Variants in MLIP observed in about 807,000 individuals in gnomAD.
The protein encoded by MLIP is muscular LMNA-interacting protein.
In MLIP, 79 loss-of-function variants were observed where a neutral mutation model predicts 84.8. The observed-to-expected ratio is 0.93, with a 90% CI of 0.78 to 1.12. The LOEUF (loss-of-function observed/expected upper bound fraction) is 1.12. Ranked by LOEUF, MLIP falls within the 50% of genes most tolerant of loss-of-function variation. The pLI is 0.00. For synonymous variants in MLIP, 504 were observed against 463.0 expected, an observed-to-expected ratio of 1.09 and a Z score of -1.14; for missense variants, 1,257 against 1,160.6, an observed-to-expected ratio of 1.08 and a Z score of -1.21.
chr6:54,158,872 A>T (rs920854677), intron 5 of MLIP, among the ~76,000 whole-genome samples: 15 of 5,416 alleles, frequency 2.8e-3, no homozygotes, highest in South Asian at 8.8e-3. Flanking sequence ...GAAGTATGAT[A>T]AAAAAAAAAA....
intron 5 of MLIP, among the ~76,000 whole-genome samples, chr6:54,153,577 A>C (rs1040254134): frequency 6.6e-6 from 1 of 152,060 alleles, no homozygotes; most frequent in Non-Finnish European, 1.5e-5. Flanking sequence ...GCAGGGCGTG[A>C]TGGCTCATGC....
chr6:54,052,821 G>A (rs370907598), intron 1 of MLIP, among the ~76,000 whole-genome samples: 35 of 152,244 alleles, frequency 2.3e-4, no homozygotes, highest in African/African-American at 7.9e-4. Flanking sequence ...GGAGTGCAGA[G>A]CTGAATCTCT....
intron 8 of MLIP, among the ~76,000 whole-genome samples, chr6:54,168,108 A>AT (rs1304477554): frequency 6.6e-6 from 1 of 151,852 alleles, no homozygotes; most frequent in Non-Finnish European, 1.5e-5. Context: ...TATTGGTCAG[A>AT]TTTTTTATTG....
At position 54,230,883 on chromosome 6, in the gene MLIP, C is replaced by T; in HGVS notation, c.2888C>T (p.Ser963Phe). The change falls in exon 12 of 14, where the codon TCT (serine) becomes TTT (phenylalanine). Residue 963 changes from serine (S) to phenylalanine (F), a missense_variant. Transcript: ENST00000502396. ...TCCTTGAGTGATGAACAGGAGAATTCTCACACCCTCCTCAGTCACAACGCA... is the reference window on the plus strand; with the variant it reads ...TCCTTGAGTGATGAACAGGAGAATTTTCACACCCTCCTCAGTCACAACGCA... Reference protein sequence around the residue: ...SFSLSDEQENSHTLLSHNACN... With the variant: ...SFSLSDEQENFHTLLSHNACN... The T allele has an allele frequency of 6.2e-7, 1 of 1,614,004 alleles. No individual in the cohort carries two copies. The highest frequency in any genetic ancestry group is 8.5e-7 in the Non-Finnish European group (1 of 1,179,956).
chr6:54,065,443 C>A (rs1259856493), intron 1 of MLIP, among the ~76,000 whole-genome samples: 1 of 100,056 alleles, frequency 1.0e-5, no homozygotes, highest in African/African-American at 2.6e-5. Flanking sequence ...GGATTTGCAC[C>A]AAGGATAAAT....
rs989100725 is a variant in MLIP, at chr6:54,137,958, A to G, written c.1889A>G (p.Gln630Arg). Residue 630 changes from glutamine to arginine, a missense_variant, in exon 4 of 14, where the codon CAA becomes CGA. Gln to Arg is a conservative substitution (Grantham distance 43). Coordinates refer to ENST00000502396, the MANE Select transcript of MLIP (RefSeq NM_001281747.2). ...LINRSKRASS[Q>R]LSGQELNPSA... ...AACAGATCTAAAAGAGCATCATCCC[A>G]ACTATCTGGCCAGGAGCTGAATCCT... 11 of 1,535,890 alleles carry G rather than the reference A, an allele frequency of 7.2e-6. No homozygotes were observed. The highest frequency in any genetic ancestry group is 1.7e-4 in the Middle Eastern group (1 of 6,012).
chr6:54,162,643 G>A (rs1249801988), intron 8 of MLIP, among the ~76,000 whole-genome samples: 1 of 151,924 alleles, frequency 6.6e-6, no homozygotes, highest in African/African-American at 2.4e-5. Context: ...GTTTGGGTGC[G>A]GGTAGTGAAG....
At chr6:54,141,839 AG>A (rs1265775763) in intron 4 of MLIP, among the ~76,000 whole-genome samples, 2 of 152,222 alleles carry the variant, frequency 1.3e-5, no homozygotes, top group Admixed American at 1.3e-4. Context: ...GACAGTCTGA[AG>A]ATTAGTTCCA....
Position 54,230,591 on chromosome 6 carries a change from A to T in MLIP, c.2719-123A>T, listed in dbSNP as rs1003758335. The T allele has an allele frequency of 2.6e-5, 21 of 815,544 alleles. No homozygotes were observed. The African/African-American group carries it at 3.4e-4, about 13-fold the overall frequency. 50.5% of individuals were successfully genotyped at this position (815,544 alleles called of 1,614,324 possible). Reference sequence around the variant, plus strand: ...GTTGTCTCATGAGGGACACCATCTCATGAGGAGAGGTTGTCTTCTTACTGG... The same window carrying T: ...GTTGTCTCATGAGGGACACCATCTCTTGAGGAGAGGTTGTCTTCTTACTGG... On this transcript the variant is annotated intron_variant, in intron 11 of 13. Coordinates refer to ENST00000502396, the MANE Select transcript of MLIP (RefSeq NM_001281747.2).
chr6:54,121,878 A>G (rs1416354368), intron 2 of MLIP, among the ~76,000 whole-genome samples: 1 of 152,206 alleles, frequency 6.6e-6, no homozygotes, highest in Non-Finnish European at 1.5e-5. Context: ...ATGTTTCTTA[A>G]GAAAATAAAA....
chr6:54,107,139 T>C (rs1328087971), upstream of MLIP, among the ~76,000 whole-genome samples: 3 of 152,236 alleles, frequency 2.0e-5, no homozygotes, highest in Non-Finnish European at 2.9e-5. Context: ...TTATTCATTT[T>C]TTCTGAATAT....
chr6:54,173,857 C>A (rs922910042), intron 9 of MLIP, among the ~76,000 whole-genome samples: 2 of 151,588 alleles, frequency 1.3e-5, no homozygotes, highest in African/African-American at 4.8e-5. Flanking sequence ...TACTCGATAA[C>A]CATCCCCACC....
At chr6:54,217,251 A>G in intron 11 of MLIP, 1 of 985,428 alleles carries the variant, frequency 1.0e-6, no homozygotes. Context: ...TCACTTCCAA[A>G]CCACAGGAAA....
rs765088494 is a variant in MLIP at position 54,137,742 on chromosome 6, C to T, written c.1673C>T (p.Ser558Phe). The T allele has an allele frequency of 3.9e-5, 60 of 1,536,000 alleles. No individual in the cohort carries two copies. Among genetic ancestry groups the T allele is most frequent in the Non-Finnish European group, 6.1e-6 (7 of 1,146,898 alleles). ...CTTCCTCCTGTTCCACCAAGCTCTT[C>T]TCTTTCCTCTTTGAAGAGTAAACAG... ...VGLPPVPPSS[S>F]LSSLKSKQDG... Residue 558 changes from serine (S) to phenylalanine (F), a missense_variant, in exon 4 of 14, where the codon TCT becomes TTT. By Grantham distance (155) the Ser-to-Phe change is radical. Transcript: ENST00000502396.
chr6:54,212,348 CTG>C (rs1341794561), intron 11 of MLIP, among the ~76,000 whole-genome samples: 4 of 152,096 alleles, frequency 2.6e-5, no homozygotes, highest in Non-Finnish European at 5.9e-5. Flanking sequence ...TCCTGAAATT[CTG>C]TGTTTATGTC....
intron 1 of MLIP, among the ~76,000 whole-genome samples, chr6:54,048,410 TGA>T (rs1378365822): frequency 1.3e-5 from 2 of 152,130 alleles, no homozygotes; most frequent in Non-Finnish European, 2.9e-5. Flanking sequence ...ATGTGCATTT[TGA>T]GAGAGCAGAG....
At chr6:54,113,166 T>C (rs1334669669) in intron 1 of MLIP, among the ~76,000 whole-genome samples, 1 of 152,184 alleles carries the variant, frequency 6.6e-6, no homozygotes, top group East Asian at 1.9e-4. Context: ...GAACATAAGA[T>C]AGACCTATAG....
intron 12 of MLIP, among the ~76,000 whole-genome samples, chr6:54,249,734 C>CACACATAT (rs145607176): frequency 1.6e-5 from 2 of 127,708 alleles, no homozygotes; most frequent in African/African-American, 5.8e-5. Context: ...CACACACACA[C>CACACATAT]ATATATATAT....
At chr6:54,157,386 C>T (rs1426972941) in intron 5 of MLIP, among the ~76,000 whole-genome samples, 2 of 152,098 alleles carry the variant, frequency 1.3e-5, no homozygotes, top group African/African-American at 4.8e-5. Flanking sequence ...ATAAGGTCCT[C>T]TAGCCAAACA....
Sources: allele counts gnomAD v4.1 joint callset (sites outside exome capture counted in the v4.1 genomes callset), GRCh38; gene constraint gnomAD v4.1.1; transcripts MANE v1.5; gene names NCBI Gene and HGNC (gene_info 2026-07-23, HGNC 2026-07-21).